Variants in SHOC2 observed in about 807,000 individuals in gnomAD.
SHOC2 encodes the protein leucine-rich repeat protein SHOC-2.
Under a neutral mutation model 50.2 loss-of-function variants are expected in SHOC2, and 4 were observed. That is an observed-to-expected ratio of 0.08 (90% CI 0.04 to 0.18). The LOEUF is 0.18. Ranked by LOEUF, SHOC2 falls within the 10% of genes least tolerant of loss-of-function variation. The pLI is 1.00. For synonymous variants in SHOC2, 218 were observed against 244.5 expected (o/e 0.89, Z 1.01); for missense variants, 388 against 669.6 (o/e 0.58, Z 4.64).
chr10:110,946,594 GAACA>G (rs1331230643), intron 1 of SHOC2, among the ~76,000 whole-genome samples: 3 of 151,934 alleles, frequency 2.0e-5, no homozygotes, highest in East Asian at 1.9e-4. Context: ...TTTGAGCAGG[GAACA>G]AACAATGTGG....
intron 3 of SHOC2, among the ~76,000 whole-genome samples, chr10:110,990,529 C>A (rs113946148): frequency 2.4e-5 from 2 of 82,470 alleles, no homozygotes; most frequent in Non-Finnish European, 8.0e-5. Context: ...CTGATGGGGA[C>A]GTGGAGAACC....
chr10:110,933,980 T>A (rs1290760375), intron 1 of SHOC2, among the ~76,000 whole-genome samples: 3 of 152,200 alleles, frequency 2.0e-5, no homozygotes, highest in Non-Finnish European at 4.4e-5. Context: ...TTAGCTGTAT[T>A]TTGTTTGAAT....
intron 1 of SHOC2, among the ~76,000 whole-genome samples, chr10:110,962,324 C>T (rs1470684749): frequency 6.6e-6 from 1 of 152,084 alleles, no homozygotes; most frequent in East Asian, 1.9e-4. Flanking sequence ...TGCCTGTAAC[C>T]CTTTAGCTAT....
intron 1 of SHOC2, among the ~76,000 whole-genome samples, chr10:110,927,457 A>T (rs1296290533): frequency 1.3e-5 from 2 of 152,248 alleles, no homozygotes; most frequent in African/African-American, 2.4e-5. Context: ...GGATGCTTAT[A>T]TACTAGGCAG....
At chr10:110,987,163 TGCTTGTATCTGGGTTCCCA>T (rs71489938) in intron 3 of SHOC2, among the ~76,000 whole-genome samples, 4,023 of 152,304 alleles carry the variant, frequency 0.026, 77 homozygotes, top group Non-Finnish European at 0.043. Context: ...TCCATTGTTT[TGCTTGTATCTGGGTTCCCA>T]GCTTGTTTCT....
At chr10:111,007,719 A>T (rs1190024211) in intron 6 of SHOC2, 66 bp downstream of exon 6, 1 of 1,523,988 alleles carries the variant, frequency 6.6e-7, no homozygotes, top group Non-Finnish European at 9.1e-7. Context: ...AAAAATTTCA[A>T]ATTTAAATAA....
intron 2 of SHOC2, among the ~76,000 whole-genome samples, chr10:110,972,931 G>A (rs1847810156): frequency 6.6e-6 from 1 of 152,196 alleles, no homozygotes; most frequent in Non-Finnish European, 1.5e-5. Flanking sequence ...TGTGGCTGAG[G>A]TATGGGAAAG....
At chr10:110,936,976 A>G (rs1406816465) in intron 1 of SHOC2, 7 of 1,456,774 alleles carry the variant, frequency 4.8e-6, no homozygotes, top group Admixed American at 3.4e-5. Context: ...GGGGCAGCAT[A>G]CTTCGCACAG....
At chr10:110,981,431 GT>G (rs1385174609) in intron 2 of SHOC2, among the ~76,000 whole-genome samples, 1 of 152,162 alleles carries the variant, frequency 6.6e-6, no homozygotes, top group Non-Finnish European at 1.5e-5. Flanking sequence ...TTTCTCTCCA[GT>G]TCTGGGGCAG....
intron 1 of SHOC2, among the ~76,000 whole-genome samples, chr10:110,941,339 TTTTG>T (rs1219137370): frequency 6.6e-6 from 1 of 151,514 alleles, no homozygotes; most frequent in African/African-American, 2.4e-5. Context: ...AATGTTGAGT[TTTTG>T]TTTGTTTGTT....
At chr10:111,008,348 G>C (rs1206834720) in intron 6 of SHOC2, among the ~76,000 whole-genome samples, 2 of 150,768 alleles carry the variant, frequency 1.3e-5, no homozygotes, top group Non-Finnish European at 1.5e-5. Context: ...GTTTTTTAAA[G>C]GTCTAATTTT....
chr10:110,957,494 TC>T (rs1847488537), intron 1 of SHOC2, among the ~76,000 whole-genome samples: 1 of 151,752 alleles, frequency 6.6e-6, no homozygotes, highest in African/African-American at 2.4e-5. Context: ...ATGTAAATTC[TC>T]CTGCAGGAAG....
At chr10:110,956,133 ATGTGCC>A (rs1344436015) in intron 1 of SHOC2, among the ~76,000 whole-genome samples, 15 of 152,096 alleles carry the variant, frequency 9.9e-5, no homozygotes, top group Admixed American at 9.8e-4. Context: ...TGGTATCTGC[ATGTGCC>A]TAATTGCCTG....
intron 1 of SHOC2, among the ~76,000 whole-genome samples, chr10:110,920,454 C>T (rs889480376): frequency 6.6e-6 from 1 of 152,290 alleles, no homozygotes; most frequent in South Asian, 2.1e-4. Flanking sequence ...TTTGTACCAT[C>T]CCCCTCCCCC....
chr10:111,004,500 G>A, intron 4 of SHOC2, 106 bp from the exon 5 acceptor site: 1 of 776,014 alleles, frequency 1.3e-6, no homozygotes, highest in Non-Finnish European at 2.2e-6. Flanking sequence ...TCTGTCATTT[G>A]TCACCCCCCA....
intron 1 of SHOC2, among the ~76,000 whole-genome samples, chr10:110,931,583 G>T (rs1846896682): frequency 1.3e-5 from 2 of 152,084 alleles, no homozygotes; most frequent in Admixed American, 1.3e-4. Flanking sequence ...AGGTATTCAT[G>T]TCAAAATTTG....
chr10:110,974,241 A>G lies in SHOC2; in HGVS notation c.703+9180A>G, dbSNP rs906668045. ...ATATTTTCTAAATATCCCTTTTTAT[A>G]TCTTCTCTGATCCATGGATTATTAA... On this transcript the variant is annotated intron_variant, in intron 2 of 8. Coordinates refer to ENST00000369452, the MANE Select transcript of SHOC2 (RefSeq NM_007373.4). Among the ~76,000 whole-genome samples the G allele has an allele frequency of 5.9e-5, 9 of 152,050 alleles. No individual in the cohort carries two copies. In the East Asian group the frequency reaches 1.3e-3, roughly 23 times the overall value.
chr10:110,967,329 G>A (rs1847694875), intron 2 of SHOC2, among the ~76,000 whole-genome samples: 5 of 152,072 alleles, frequency 3.3e-5, no homozygotes, highest in Admixed American at 3.3e-4. Flanking sequence ...AGAAAAATGG[G>A]TACCACCCCC....
At chr10:110,924,794 G>C (rs1846723799) in intron 1 of SHOC2, among the ~76,000 whole-genome samples, 1 of 152,106 alleles carries the variant, frequency 6.6e-6, no homozygotes, top group African/African-American at 2.4e-5. Context: ...TTAAGGCCGG[G>C]CGTGGTGGCT....
Sources: allele counts gnomAD v4.1 joint callset (sites outside exome capture counted in the v4.1 genomes callset), GRCh38; gene constraint gnomAD v4.1.1; transcripts MANE v1.5; gene names NCBI Gene and HGNC (gene_info 2026-07-23, HGNC 2026-07-21).